The following CDK14 variants were observed in gnomAD, a reference collection of about 807,000 sequenced individuals.
CDK14 encodes the protein cyclin-dependent kinase 14.
A neutral mutation model predicts 60.7 loss-of-function variants in CDK14; 34 were observed. The ratio of observed to expected loss-of-function variants is 0.56; its 90% CI spans 0.43 to 0.75. The LOEUF is 0.75. Among genes scored for constraint, CDK14 ranks in the 30% least tolerant of loss-of-function variants. The pLI, the probability that CDK14 is intolerant of heterozygous loss-of-function variation, is 0.00. For missense variants in CDK14, 482 were observed against 564.1 expected (o/e 0.85, Z 1.47); for synonymous variants, 197 against 203.7 (o/e 0.97, Z 0.28).
chr7:91,058,830 A>G (rs1445473958), intron 11 of CDK14, among the ~76,000 whole-genome samples: 4 of 152,174 alleles, frequency 2.6e-5, no homozygotes, highest in Non-Finnish European at 4.4e-5. Context: ...GGATTTTTGC[A>G]TCAATGTTTA....
chr7:90,955,696 G>A lies in CDK14; in HGVS notation c.827-1G>A. 2 of 1,612,992 alleles carry A rather than the reference G, an allele frequency of 1.2e-6. No homozygotes were observed. The highest frequency in any genetic ancestry group is 1.7e-6 in the Non-Finnish European group (2 of 1,179,180). On this transcript the variant is annotated splice_acceptor_variant, in intron 8 of 14. Coordinates refer to ENST00000380050, the MANE Select transcript of CDK14 (RefSeq NM_001287135.2). LOFTEE classifies it high-confidence loss of function. ...TTCTTTATGTTTCATATAACCCACA[G>A]GTCTTGCAAGAGCAAAATCCGTCCC...
chr7:91,009,125 T>G (rs1050566225), intron 10 of CDK14, among the ~76,000 whole-genome samples: 1 of 152,214 alleles, frequency 6.6e-6, no homozygotes, highest in African/African-American at 2.4e-5. Context: ...TATCTACTTT[T>G]GATTTTTGCC....
chr7:91,109,308 C>T (rs942814020), intron 12 of CDK14, among the ~76,000 whole-genome samples: 2 of 152,114 alleles, frequency 1.3e-5, no homozygotes, highest in African/African-American at 4.8e-5. Flanking sequence ...TATACTTACA[C>T]TGTCTGGACT....
intron 5 of CDK14, among the ~76,000 whole-genome samples, chr7:90,835,807 A>G (rs1046312289): frequency 1.3e-5 from 2 of 152,180 alleles, no homozygotes; most frequent in Non-Finnish European, 2.9e-5. Context: ...AACATCATAG[A>G]GTGCTAATAT....
intron 14 of CDK14, among the ~76,000 whole-genome samples, chr7:91,176,824 AC>A (rs1179958284): frequency 6.6e-6 from 1 of 152,058 alleles, no homozygotes; most frequent in Non-Finnish European, 1.5e-5. Context: ...TCAATAGCTT[AC>A]CAACCAAAAA....
chr7:91,143,079 G>T (rs369182991), intron 14 of CDK14, among the ~76,000 whole-genome samples: 3 of 152,196 alleles, frequency 2.0e-5, no homozygotes, highest in African/African-American at 7.2e-5. Context: ...ACCTCATAAA[G>T]TTCAGGGAAT....
intron 14 of CDK14, among the ~76,000 whole-genome samples, chr7:91,173,821 C>T (rs570083363): frequency 5.3e-5 from 8 of 152,188 alleles, no homozygotes; most frequent in Admixed American, 2.0e-4. Flanking sequence ...CACGGAGTCT[C>T]GCTGATTGCT....
intron 8 of CDK14, among the ~76,000 whole-genome samples, chr7:90,931,760 G>T (rs1388437826): frequency 6.7e-6 from 1 of 148,308 alleles, no homozygotes; most frequent in African/African-American, 2.5e-5. Flanking sequence ...TATTTCAAAT[G>T]AAACTTTCAT....
intron 4 of CDK14, among the ~76,000 whole-genome samples, chr7:90,748,848 C>T (rs1356358041): frequency 1.3e-5 from 2 of 152,142 alleles, no homozygotes; most frequent in African/African-American, 4.8e-5. Flanking sequence ...CTCGGCCACC[C>T]AAAGTGTTGG....
intron 2 of CDK14, among the ~76,000 whole-genome samples, chr7:90,681,561 A>G (rs531986622): frequency 1.8e-4 from 28 of 152,304 alleles, no homozygotes; most frequent in African/African-American, 6.7e-4. Context: ...CTGAATGTTT[A>G]TGCCCATTGT....
intron 2 of CDK14, among the ~76,000 whole-genome samples, chr7:90,708,426 A>G (rs928834535): frequency 4.6e-5 from 7 of 152,168 alleles, no homozygotes; most frequent in South Asian, 2.1e-4. Flanking sequence ...ATAATTCAAT[A>G]GTTTTCAGAT....
intron 11 of CDK14, among the ~76,000 whole-genome samples, chr7:91,061,714 G>A (rs1036241953): frequency 3.9e-5 from 6 of 152,256 alleles, no homozygotes; most frequent in East Asian, 1.9e-4. Flanking sequence ...GCAGAACAGC[G>A]GATATTGGTG....
chr7:91,040,191 C>T (rs567565236), intron 10 of CDK14, among the ~76,000 whole-genome samples: 2 of 152,306 alleles, frequency 1.3e-5, no homozygotes, highest in Admixed American at 1.3e-4. Flanking sequence ...GTTGTACTGT[C>T]GGGGGCAGTG....
chr7:91,080,162 A>C (rs1159994791), intron 12 of CDK14, among the ~76,000 whole-genome samples: 3 of 152,244 alleles, frequency 2.0e-5, no homozygotes, highest in Admixed American at 1.3e-4. Flanking sequence ...GATAAAAGAC[A>C]ACTGGAACTG....
chr7:91,096,110 A>G (rs1332348353), intron 12 of CDK14, among the ~76,000 whole-genome samples: 1 of 148,906 alleles, frequency 6.7e-6, no homozygotes, highest in Admixed American at 6.8e-5. Context: ...TATAATCATC[A>G]GTGTGGCCAG....
At chr7:91,064,871 A>T (rs1218032649) in intron 11 of CDK14, among the ~76,000 whole-genome samples, 2 of 152,172 alleles carry the variant, frequency 1.3e-5, no homozygotes, top group Non-Finnish European at 2.9e-5. Context: ...TTGTTTATGA[A>T]TAGTATGCTT....
At chr7:90,646,927 A>G (rs983338108) in intron 2 of CDK14, among the ~76,000 whole-genome samples, 96 of 152,230 alleles carry the variant, frequency 6.3e-4, no homozygotes, top group African/African-American at 2.3e-3. Flanking sequence ...ATAATACTAT[A>G]TATATTGCCA....
chr7:90,807,625 T>C (rs931939922), intron 5 of CDK14, among the ~76,000 whole-genome samples: 125 of 152,164 alleles, frequency 8.2e-4, no homozygotes, highest in African/African-American at 2.9e-3. Context: ...AGAATGACTT[T>C]GACAAGTTGA....
intron 8 of CDK14, among the ~76,000 whole-genome samples, chr7:90,953,951 AC>A (rs1794332952): frequency 6.6e-6 from 1 of 152,184 alleles, no homozygotes; most frequent in South Asian, 2.1e-4. Context: ...GTAGGATAAA[AC>A]CTTGCAGAGG....
Sources: allele counts gnomAD v4.1 joint callset (sites outside exome capture counted in the v4.1 genomes callset), GRCh38; gene constraint gnomAD v4.1.1; transcripts MANE v1.5; gene names NCBI Gene and HGNC (gene_info 2026-07-23, HGNC 2026-07-21).